Variants in ARHGEF1 observed in about 807,000 individuals in gnomAD.
ARHGEF1 encodes the protein Rho guanine nucleotide exchange factor 1.
A neutral mutation model predicts 119.7 loss-of-function variants in ARHGEF1; 40 were observed. That is an observed-to-expected ratio of 0.33 (90% CI 0.26 to 0.44). The LOEUF is 0.44. Ranked by LOEUF, ARHGEF1 falls within the 20% of genes least tolerant of loss-of-function variation. ARHGEF1 has a pLI of 1.00. For synonymous variants in ARHGEF1, 494 were observed against 521.0 expected, an observed-to-expected ratio of 0.95 and a Z score of 0.71; for missense variants, 976 against 1,268.3, an observed-to-expected ratio of 0.77 and a Z score of 3.50.
intron 13 of ARHGEF1, chr19:41,897,406 C>G: frequency 9.3e-7 from 1 of 1,079,078 alleles, no homozygotes; most frequent in South Asian, 1.6e-5. Flanking sequence ...CCCATGGCCA[C>G]TCCCTCCCCT....
At chr19:41,915,843 G>A (rs1039929160) in intron 18 of ARHGEF1, among the ~76,000 whole-genome samples, 9 of 152,128 alleles carry the variant, frequency 5.9e-5, no homozygotes, top group Admixed American at 2.0e-4. Flanking sequence ...GGGGCTGCAG[G>A]GCCAAACAGG....
At chr19:41,929,469 G>A (rs1411045699) in intron 2 of ARHGEF1, among the ~76,000 whole-genome samples, 2 of 152,156 alleles carry the variant, frequency 1.3e-5, no homozygotes, top group Non-Finnish European at 2.9e-5. Flanking sequence ...GCCTCAGGGC[G>A]GGTCAGACCC....
chr19:41,926,730 G>A (rs1414728659), intron 1 of ARHGEF1, among the ~76,000 whole-genome samples: 2 of 152,164 alleles, frequency 1.3e-5, no homozygotes, highest in Non-Finnish European at 2.9e-5. Flanking sequence ...GGAGCGGGCG[G>A]GGGGGCCGTT....
At chr19:41,913,441 C>T (rs1483301011) in intron 18 of ARHGEF1, among the ~76,000 whole-genome samples, 1 of 151,844 alleles carries the variant, frequency 6.6e-6, no homozygotes, top group South Asian at 2.1e-4. Flanking sequence ...ACCCGCCCCA[C>T]CCGGACGACC....
At position 41,888,426 on chromosome 19, in the gene ARHGEF1, C is replaced by A; in HGVS notation, c.111+148C>A. ...CCTGGTACCTCCTTCCTCACCTCGC[C>A]GACCCCACACAGCAGCATAGACGCC... is the stretch of plus-strand genomic sequence containing the variant. On this transcript the variant is annotated intron_variant, in intron 3 of 28. Coordinates refer to ENST00000354532, the MANE Select transcript of ARHGEF1 (RefSeq NM_004706.4). The surrounding 1 kb of genome is among the most constrained non-coding windows in gnomAD (Gnocchi z 5.1). 1.3e-6 allele frequency: 1 copy of A among 762,176 alleles called. No homozygotes were observed. The highest frequency in any genetic ancestry group is 2.1e-6 in the Non-Finnish European group (1 of 469,554). 47.2% of individuals were successfully genotyped at this position (762,176 alleles called of 1,614,324 possible). A position where few individuals can be genotyped will look rare whatever the true frequency, so the allele number is the denominator to read the frequency against.
rs1451556334 is a variant in ARHGEF1 at position 41,917,439 on chromosome 19, G to A, written c.1866-5653G>A. Among the ~76,000 whole-genome samples the A allele has an allele frequency of 2.6e-5, 4 of 151,300 alleles. No homozygotes were observed. The highest frequency in any genetic ancestry group is 6.6e-5 in the Admixed American group (1 of 15,226). ...CGCCTCGGGAGCCGCCTCGGGCCTCGCACCCCCACCACCAGCCCCTTCATC... is the reference window on the plus strand; with the variant it reads ...CGCCTCGGGAGCCGCCTCGGGCCTCACACCCCCACCACCAGCCCCTTCATC... On this transcript the variant is annotated intron_variant, in intron 18 of 20. Coordinates refer to the ARHGEF1 transcript ENST00000599589. The surrounding 1 kb of genome is among the most constrained non-coding windows in gnomAD (Gnocchi z 4.8).
At chr19:41,918,227 A>G (rs1302301942), upstream of ARHGEF1, among the ~76,000 whole-genome samples, 1 of 151,604 alleles carries the variant, frequency 6.6e-6, no homozygotes, top group Admixed American at 6.6e-5. Context: ...CACACATACC[A>G]CATATACACA....
intron 14 of ARHGEF1, 111 bp downstream of exon 14, chr19:41,898,698 A>G: frequency 7.3e-7 from 1 of 1,365,024 alleles, no homozygotes. Context: ...CCATCGGGAG[A>G]ACTTGAAGGC....
rs1555849122 is a variant in ARHGEF1, at chr19:41,902,027, G to T, written c.1408G>T (p.Val470Leu). 3 of 1,613,818 alleles carry T rather than the reference G, an allele frequency of 1.9e-6. No homozygotes were observed. In the South Asian group the frequency reaches 3.3e-5, roughly 18 times the overall value. Residue 470 changes from valine (V) to leucine (L), a missense_variant, in exon 15 of 29, where the codon GTG becomes TTG. By Grantham distance (32) the Val-to-Leu change is conservative. Around this residue, in one of 3 missense-constraint regions of ARHGEF1, gnomAD observed 286 missense variants for 506.8 expected, o/e 0.56. Coordinates refer to ENST00000354532, the MANE Select transcript of ARHGEF1 (RefSeq NM_004706.4). This position sits in a 1 kb window ranked among gnomAD's most constrained non-coding sequence, Gnocchi z 6.5. ...IFPSLDELIE[V>L]HSLFLDRLMK... ...CCCCAGCCTGGACGAGCTCATCGAGGTGCATTGTGAGTGCAGAGCCAGGGT... is the reference window on the plus strand; with the variant it reads ...CCCCAGCCTGGACGAGCTCATCGAGTTGCATTGTGAGTGCAGAGCCAGGGT...
chr19:41,891,899 G>A (rs8113339), intron 4 of ARHGEF1, 126 bp from the exon 5 acceptor site: 52,545 of 751,632 alleles, frequency 0.07, 10,678 homozygotes, highest in African/African-American at 0.58. Flanking sequence ...GTGCTTCCCA[G>A]AGGAAGTGGC....
At chr19:41,896,692 C>G in intron 13 of ARHGEF1, 2 of 696,624 alleles carry the variant, frequency 2.9e-6, no homozygotes, top group Middle Eastern at 2.3e-4. Context: ...TTCCTTTTAT[C>G]CTTCCTTTTT....
At chr19:41,911,397 A>G (rs1408683656), downstream of ARHGEF1, among the ~76,000 whole-genome samples, 3 of 152,212 alleles carry the variant, frequency 2.0e-5, no homozygotes, top group African/African-American at 7.2e-5. Flanking sequence ...AGGAGAGAGG[A>G]GACTGCTGTG....
chr19:41,897,755 GTCTCTGTCCCTGTCCTCGTCTCTCCCCA>G, intron 13 of ARHGEF1: 1 of 507,250 alleles, frequency 2.0e-6, no homozygotes, highest in East Asian at 3.4e-5. Flanking sequence ...GTCTCTCCCC[GTCTCTGTCCCTGTCCTCGTCTCTCCCCA>G]ATTTCTGTCC....
At chr19:41,922,736 G>A (rs1555852658), upstream of ARHGEF1, among the ~76,000 whole-genome samples, 3 of 152,196 alleles carry the variant, frequency 2.0e-5, no homozygotes, top group Non-Finnish European at 4.4e-5. Context: ...AGCCGGGCTG[G>A]GGGGGACTCA....
Position 41,906,006 on chromosome 19 carries a change from T to C in ARHGEF1, c.2472T>C (p.Ala824=), listed in dbSNP as rs782371260. Residue 824 remains alanine (A), a synonymous_variant, in exon 26 of 29, where the codon GCT becomes GCC. Coordinates refer to ENST00000354532, the MANE Select transcript of ARHGEF1 (RefSeq NM_004706.4). The surrounding 1 kb of genome is among the most constrained non-coding windows in gnomAD (Gnocchi z 4.5). ...FCRPGPEGQL[A]ATALRKVLSL... is the part of the protein sequence containing the mutation. ...GACCAGGCCCCGAGGGCCAGCTCGC[T>C]GCCACGGCCCTTCGGAAAGGTAGCC... 6.2e-7 allele frequency: 1 copy of C among 1,614,038 alleles called. No homozygotes were observed. The highest frequency in any genetic ancestry group is 1.1e-5 in the South Asian group (1 of 91,066).
chr19:41,917,740 C>A lies in ARHGEF1; in HGVS notation c.1866-5352C>A, dbSNP rs2074810701. Among the ~76,000 whole-genome samples the A allele has an allele frequency of 6.6e-6, 1 of 151,820 alleles. No individual in the cohort carries two copies. The highest frequency in any genetic ancestry group is 2.1e-4 in the South Asian group (1 of 4,818). ...CATATCTCTCCTTACGCCACACGCC[C>A]ATGTAGGACACATCTGTGCACACAG... is the stretch of plus-strand genomic sequence containing the variant. On this transcript the variant is annotated intron_variant, in intron 18 of 20. Coordinates refer to the ARHGEF1 transcript ENST00000599589. This position sits in a 1 kb window ranked among gnomAD's most constrained non-coding sequence, Gnocchi z 4.8.
At position 41,892,735 on chromosome 19, in the gene ARHGEF1, C is replaced by T; in HGVS notation, c.500C>T (p.Pro167Leu). The stretch of plus-strand genomic sequence containing the variant: ...TCCAAGCGGCTCATGGGCATGACGC[C>T]CTGGGAGCAGGAGCTGGCCCAGCTG... Reference protein sequence around the residue: ...FRSKRLMGMTPWEQELAQLEA... With the variant: ...FRSKRLMGMTLWEQELAQLEA... The change falls in exon 7 of 29, where the codon CCC becomes CTC. Residue 167 changes from proline (P) to leucine (L), a missense_variant. Coordinates refer to ENST00000354532, the MANE Select transcript of ARHGEF1 (RefSeq NM_004706.4). The surrounding 1 kb of genome is among the most constrained non-coding windows in gnomAD (Gnocchi z 6.3). 1 of 1,612,038 alleles carries T rather than the reference C, an allele frequency of 6.2e-7. No homozygotes were observed.
intron 18 of ARHGEF1, chr19:41,912,826 G>C: frequency 3.2e-6 from 3 of 949,098 alleles, no homozygotes; most frequent in Non-Finnish European, 4.1e-6. Flanking sequence ...GGTGGGGGAA[G>C]GGGTGGGGGA....
intron 28 of ARHGEF1, 30 bp from the exon 29 acceptor site, chr19:41,907,075 C>T: frequency 6.8e-7 from 1 of 1,471,556 alleles, no homozygotes; most frequent in South Asian, 1.4e-5. Flanking sequence ...CCATCTCTCC[C>T]CGTCTCCCCT....
Sources: allele counts gnomAD v4.1 joint callset (sites outside exome capture counted in the v4.1 genomes callset), GRCh38; gene constraint gnomAD v4.1.1; regional missense constraint gnomAD v4.1.1; non-coding constraint Gnocchi (gnomAD v3.1); transcripts MANE v1.5; gene names NCBI Gene and HGNC (gene_info 2026-07-23, HGNC 2026-07-21).